The following RANBP2 variants were observed in gnomAD, a reference collection of about 807,000 sequenced individuals.
RANBP2 encodes the protein E3 SUMO-protein ligase RanBP2.
Under a neutral mutation model 303.6 loss-of-function variants are expected in RANBP2, and 57 were observed. The observed-to-expected ratio is 0.19, with a 90% CI of 0.15 to 0.23. The LOEUF is 0.23. RANBP2 is among the 10% of genes least tolerant of loss of function. The pLI is 1.00. For missense variants in RANBP2, 3,138 were observed against 3,780.8 expected, an observed-to-expected ratio of 0.83 and a Z score of 4.46; for synonymous variants, 1,167 against 1,301.5, an observed-to-expected ratio of 0.90 and a Z score of 2.23.
chr2:108,974,970 AC>A, the RANBP2 span, among the ~76,000 whole-genome samples: 1 of 152,008 alleles, frequency 6.6e-6, no homozygotes, highest in Non-Finnish European at 1.5e-5. Context: ...GAGCCCATCA[AC>A]CCCTGAGCCT....
chr2:108,997,061 G>A, the RANBP2 span, among the ~76,000 whole-genome samples: 4 of 152,178 alleles, frequency 2.6e-5, no homozygotes, highest in Non-Finnish European at 2.9e-5. Flanking sequence ...GGATTCAAGT[G>A]TGTAACTAGT....
At chr2:109,382,050 G>C in the RANBP2 span, among the ~76,000 whole-genome samples, 3 of 152,158 alleles carry the variant, frequency 2.0e-5, no homozygotes, top group Non-Finnish European at 1.5e-5. Flanking sequence ...AAACTGGCTT[G>C]AGGTCTGCAG....
At chr2:109,489,331 A>G in the RANBP2 span, among the ~76,000 whole-genome samples, 1 of 152,228 alleles carries the variant, frequency 6.6e-6, no homozygotes, top group Admixed American at 6.5e-5. Context: ...ACAGGCCCCC[A>G]GACCCTGGTA....
At chr2:109,306,327 T>C in the RANBP2 span, among the ~76,000 whole-genome samples, 1 of 152,208 alleles carries the variant, frequency 6.6e-6, no homozygotes, top group Non-Finnish European at 1.5e-5. Flanking sequence ...TTCTGACCCC[T>C]GTGTGTCCCT....
At chr2:109,635,470 A>G in the RANBP2 span, among the ~76,000 whole-genome samples, 1 of 152,252 alleles carries the variant, frequency 6.6e-6, no homozygotes, top group South Asian at 2.1e-4. Context: ...GATGTGAGCC[A>G]CTGCGCCCAG....
the RANBP2 span, among the ~76,000 whole-genome samples, chr2:109,325,403 G>A: frequency 1.1e-4 from 14 of 125,138 alleles, no homozygotes; most frequent in Non-Finnish European, 2.2e-4. Flanking sequence ...GTACAGTGGT[G>A]TGATCATGGC....
the RANBP2 span, among the ~76,000 whole-genome samples, chr2:109,325,382 C>CTCAGGCTGGAG: frequency 8.4e-6 from 1 of 118,678 alleles, no homozygotes; most frequent in African/African-American, 3.3e-5. Flanking sequence ...TGCTCTGTCA[C>CTCAGGCTGGAG]TCAGGCTGGA....
At chr2:109,193,912 C>T in the RANBP2 span, among the ~76,000 whole-genome samples, 3 of 152,300 alleles carry the variant, frequency 2.0e-5, no homozygotes, top group African/African-American at 2.4e-5. Context: ...AAGCCTTGCC[C>T]CAGGTCTCCT....
chr2:109,072,479 G>A, the RANBP2 span, among the ~76,000 whole-genome samples: 4 of 152,190 alleles, frequency 2.6e-5, no homozygotes, highest in African/African-American at 9.7e-5. Flanking sequence ...TGGTTTTCAA[G>A]CCTCCAGCTT....
chr2:108,849,947 A>G, the RANBP2 span, among the ~76,000 whole-genome samples: 1 of 152,216 alleles, frequency 6.6e-6, no homozygotes, highest in African/African-American at 2.4e-5. Flanking sequence ...GTGCCTGCAC[A>G]CAAGACCTGG....
At chr2:109,267,161 G>A in the RANBP2 span, among the ~76,000 whole-genome samples, 2 of 152,200 alleles carry the variant, frequency 1.3e-5, no homozygotes, top group East Asian at 3.9e-4. Flanking sequence ...AGTTGCTTCC[G>A]ATCGGTGATT....
At chr2:108,725,084 A>G (rs915008336) in intron 1 of RANBP2, among the ~76,000 whole-genome samples, 2 of 152,164 alleles carry the variant, frequency 1.3e-5, no homozygotes, top group African/African-American at 2.4e-5. Flanking sequence ...GGCATCTCTT[A>G]GGGTCTTACT....
At chr2:109,106,632 C>G in the RANBP2 span, among the ~76,000 whole-genome samples, 1 of 152,150 alleles carries the variant, frequency 6.6e-6, no homozygotes, top group African/African-American at 2.4e-5. Context: ...GTCAGGAGAT[C>G]AAGACCATCC....
the RANBP2 span, among the ~76,000 whole-genome samples, chr2:109,593,910 T>C: frequency 8.5e-5 from 13 of 152,342 alleles, no homozygotes; most frequent in African/African-American, 1.9e-4. Context: ...ATCACTATGC[T>C]AGCTCATTAA....
At chr2:109,267,108 T>G in the RANBP2 span, among the ~76,000 whole-genome samples, 50,051 of 152,052 alleles carry the variant, frequency 0.33, 9,282 homozygotes, top group East Asian at 0.78. Context: ...CTCTGATGGG[T>G]ATCGCTCAGT....
the RANBP2 span, among the ~76,000 whole-genome samples, chr2:109,527,032 C>A: frequency 6.6e-6 from 1 of 152,162 alleles, no homozygotes; most frequent in Non-Finnish European, 1.5e-5. Flanking sequence ...TTGTGCTTGA[C>A]CAATTAAATG....
chr2:109,301,012 G>A, the RANBP2 span, among the ~76,000 whole-genome samples: 1 of 152,236 alleles, frequency 6.6e-6, no homozygotes, highest in Admixed American at 6.5e-5. Flanking sequence ...CTGCAGAGGG[G>A]CAGGGTGTCT....
chr2:109,368,824 TG>T, the RANBP2 span, among the ~76,000 whole-genome samples: 39 of 152,220 alleles, frequency 2.6e-4, no homozygotes, highest in African/African-American at 8.9e-4. Context: ...TGTGATATTT[TG>T]CTGTTGTGAC....
At chr2:109,174,305 G>T in the RANBP2 span, among the ~76,000 whole-genome samples, 1 of 152,258 alleles carries the variant, frequency 6.6e-6, no homozygotes, top group South Asian at 2.1e-4. Context: ...GGCAAGAGGG[G>T]AGAGGAACAG....
Sources: allele counts gnomAD v4.1 joint callset (sites outside exome capture counted in the v4.1 genomes callset), GRCh38; gene constraint gnomAD v4.1.1; transcripts MANE v1.5; gene names NCBI Gene and HGNC (gene_info 2026-07-23, HGNC 2026-07-21).